The following EZH2 variants were observed in gnomAD, a reference collection of about 807,000 sequenced individuals.
The protein encoded by EZH2 is histone-lysine N-methyltransferase EZH2.
In EZH2, 18 loss-of-function variants were observed where a neutral mutation model predicts 98.4. The observed-to-expected ratio is 0.18, with a 90% CI of 0.13 to 0.27. EZH2 has a LOEUF of 0.27. Ranked by LOEUF, EZH2 falls within the 10% of genes least tolerant of loss-of-function variation. The pLI, the probability that EZH2 is intolerant of heterozygous loss-of-function variation, is 1.00. For synonymous variants in EZH2, 338 were observed against 312.3 expected, an observed-to-expected ratio of 1.08 and a Z score of -0.87; for missense variants, 470 against 935.1, an observed-to-expected ratio of 0.50 and a Z score of 6.49.
chr7:148,858,805 A>C (rs1817237708), intron 1 of EZH2, among the ~76,000 whole-genome samples: 1 of 152,218 alleles, frequency 6.6e-6, no homozygotes. Flanking sequence ...GGAAAAAAAA[A>C]GATCTCCATA....
intron 1 of EZH2, among the ~76,000 whole-genome samples, chr7:148,849,046 TG>T (rs1814971621): frequency 6.6e-6 from 1 of 152,174 alleles, no homozygotes; most frequent in Non-Finnish European, 1.5e-5. Flanking sequence ...TATACTGTAT[TG>T]TTTAGAAAAT....
At chr7:148,810,811 G>A (rs113049482) in intron 16 of EZH2, among the ~76,000 whole-genome samples, 7,884 of 150,004 alleles carry the variant, frequency 0.053, 353 homozygotes, top group Admixed American at 0.14. Context: ...CAGGAGAATC[G>A]CTTGAACCCG....
In EZH2 at chr7:148,860,061, C is replaced by T. The variant is rs1585231802; in HGVS notation, c.-7-12756G>A. ...CTGAGGCTATGCCATTCTATAAGCT[C>T]TAACATTGACTATTTGGTTTTAACA... On this transcript the variant is annotated intron_variant, in intron 1 of 19. Coordinates refer to ENST00000320356, the MANE Select transcript of EZH2 (RefSeq NM_004456.5). Among the ~76,000 whole-genome samples the T allele has an allele frequency of 3.3e-5, 5 of 152,302 alleles. No homozygotes were observed. In the East Asian group the frequency reaches 7.7e-4, roughly 23 times the overall value.
chr7:148,853,554 G>T (rs1344417705), intron 1 of EZH2, among the ~76,000 whole-genome samples: 1 of 152,222 alleles, frequency 6.6e-6, no homozygotes, highest in African/African-American at 2.4e-5. Context: ...CTGCTGTACA[G>T]CCCAGTTCCT....
At chr7:148,837,674 A>G (rs1010939813) in intron 3 of EZH2, among the ~76,000 whole-genome samples, 3 of 152,196 alleles carry the variant, frequency 2.0e-5, no homozygotes, top group African/African-American at 7.2e-5. Flanking sequence ...TGAGAAGGCA[A>G]AATAGGAGAA....
intron 14 of EZH2, among the ~76,000 whole-genome samples, chr7:148,814,424 C>T (rs770560833): frequency 6.6e-6 from 1 of 152,072 alleles, no homozygotes; most frequent in Non-Finnish European, 1.5e-5. Flanking sequence ...ATCCATGGTC[C>T]TTGACCATTC....
intron 6 of EZH2, among the ~76,000 whole-genome samples, chr7:148,827,844 G>A (rs953800005): frequency 7.2e-5 from 11 of 152,158 alleles, no homozygotes; most frequent in African/African-American, 1.9e-4. Flanking sequence ...CAGGTGGGGC[G>A]CAGTGGCTCA....
intron 1 of EZH2, among the ~76,000 whole-genome samples, chr7:148,874,779 A>G (rs1161016670): frequency 1.3e-5 from 2 of 152,058 alleles, no homozygotes; most frequent in African/African-American, 4.8e-5. Flanking sequence ...TTCTATAATA[A>G]AAAAATTTAC....
chr7:148,844,707 T>A (rs2129484367), intron 3 of EZH2, among the ~76,000 whole-genome samples: 1 of 152,324 alleles, frequency 6.6e-6, no homozygotes, highest in East Asian at 1.9e-4. Context: ...ATTAGGTATC[T>A]TTATATTCAA....
At chr7:148,819,789 G>T in intron 8 of EZH2, 102 bp from the exon 9 acceptor site, 1 of 1,001,660 alleles carries the variant, frequency 1.0e-6, no homozygotes, top group African/African-American at 1.6e-5. Context: ...TTATAATCTT[G>T]CTAATATGTG....
intron 14 of EZH2, 141 bp from the exon 15 acceptor site, chr7:148,814,278 A>G (rs949543700): frequency 1.5e-6 from 1 of 684,552 alleles, no homozygotes; most frequent in Admixed American, 2.8e-5. Flanking sequence ...ATAGACAAGG[A>G]AATGGAAGTA....
At chr7:148,866,061 T>C (rs144513710) in intron 1 of EZH2, among the ~76,000 whole-genome samples, 274 of 152,254 alleles carry the variant, frequency 1.8e-3, no homozygotes, top group African/African-American at 6.3e-3. Context: ...CTAAGAACAG[T>C]AGTAGTTTAG....
Position 148,825,158 on chromosome 7 carries a change from T to C in EZH2, c.907+1296A>G, listed in dbSNP as rs138624233. Among the ~76,000 whole-genome samples, 314 of 152,354 alleles carry C rather than the reference T, an allele frequency of 2.1e-3. 2 individuals are homozygous for C. Among genetic ancestry groups the C allele is most frequent in the African/African-American group, 7.2e-3 (298 of 41,580 alleles). On this transcript the variant is annotated intron_variant, in intron 8 of 19. Transcript: ENST00000320356. ...CTTCCACTCAATTCTTTTGCTATAG[T>C]GATATCTACATACAATGTCCAATAG...
intron 3 of EZH2, among the ~76,000 whole-genome samples, chr7:148,834,569 G>A (rs1585063585): frequency 6.6e-6 from 1 of 152,082 alleles, no homozygotes; most frequent in African/African-American, 2.4e-5. Flanking sequence ...CTTCCTTAGT[G>A]GAAGTAAAGG....
chr7:148,809,012 A>C (rs1802325032), intron 19 of EZH2, 59 bp downstream of exon 19: 1 of 1,391,162 alleles, frequency 7.2e-7, no homozygotes, highest in Non-Finnish European at 1.0e-6. Flanking sequence ...CTTTGTCCAG[A>C]GTTCACAATC....
At chr7:148,871,306 T>C (rs986758523) in intron 1 of EZH2, among the ~76,000 whole-genome samples, 2 of 144,588 alleles carry the variant, frequency 1.4e-5, no homozygotes, top group Non-Finnish European at 3.0e-5. Flanking sequence ...AACATTAAAA[T>C]AGAACTACCA....
Position 148,816,549 on chromosome 7 carries a change from T to C in EZH2, c.1505+135A>G. The C allele has an allele frequency of 3.2e-6, 2 of 618,898 alleles. 1 individual carries two copies. The highest frequency in any genetic ancestry group is 5.7e-6 in the Non-Finnish European group (2 of 347,828). The allele number at this position is 618,898 out of a possible 1,614,324, so 38.3% of individuals were successfully genotyped here. A position where few individuals can be genotyped will look rare whatever the true frequency, so the allele number is the denominator to read the frequency against. On this transcript the variant is annotated intron_variant, in intron 12 of 19. Transcript: ENST00000320356. ...AATTCCCAGTGGAAATAAGATTCCATAGTTCTGTTTTTGATGGCAGTTTAA... is the reference window on the plus strand; with the variant it reads ...AATTCCCAGTGGAAATAAGATTCCACAGTTCTGTTTTTGATGGCAGTTTAA...
intron 16 of EZH2, among the ~76,000 whole-genome samples, chr7:148,811,002 T>G (rs1802908538): frequency 6.6e-6 from 1 of 151,932 alleles, no homozygotes; most frequent in Admixed American, 6.5e-5. Flanking sequence ...GGTGAATAAC[T>G]AATGACGTTG....
In EZH2 at chr7:148,831,808, G is replaced by A. The variant is rs537859931; in HGVS notation, c.363+826C>T. Among the ~76,000 whole-genome samples the A allele has an allele frequency of 1.3e-3, 196 of 152,272 alleles. 1 individual carries two copies. Among genetic ancestry groups the A allele is most frequent in the Non-Finnish European group, 1.6e-4 (11 of 68,016 alleles). On this transcript the variant is annotated intron_variant, in intron 4 of 19. Transcript: ENST00000320356. ...CCTTCCCACTTTATATATCAATTAAGTAATACAACTATATATTTTTTATTT... is the reference window on the plus strand; with the variant it reads ...CCTTCCCACTTTATATATCAATTAAATAATACAACTATATATTTTTTATTT...
Sources: gnomAD v4.1 joint callset for allele counts (sites outside exome capture counted in the v4.1 genomes callset) on GRCh38, gnomAD v4.1.1 for gene constraint, MANE v1.5 for transcripts, NCBI Gene and HGNC (gene_info 2026-07-23, HGNC 2026-07-21) for gene names.